SNTB1: variants seen among roughly 807,000 people sequenced by gnomAD.
SNTB1 encodes the protein syntrophin beta 1, also known as beta-1-syntrophin.
Under a neutral mutation model 48.9 loss-of-function variants are expected in SNTB1, and 36 were observed. That is an observed-to-expected ratio of 0.74 (90% CI 0.56 to 0.97). SNTB1 has a LOEUF of 0.97. Among genes scored for constraint, SNTB1 ranks in the 50% least tolerant of loss-of-function variants. The probability of loss-of-function intolerance (pLI) is 0.00; values close to 1 mark genes in which losing one functional copy is unlikely to be tolerated. For synonymous variants in SNTB1, 299 were observed against 294.6 expected (o/e 1.01, Z -0.15); for missense variants, 786 against 703.4 (o/e 1.12, Z -1.33).
intron 2 of SNTB1, among the ~76,000 whole-genome samples, chr8:120,639,829 C>T (rs202131460): frequency 6.6e-6 from 1 of 152,082 alleles, no homozygotes; most frequent in East Asian, 1.9e-4. Context: ...TTCAGCTTTG[C>T]TCTCTTGACT....
chr8:120,744,249 A>G (rs1336785421), intron 1 of SNTB1, among the ~76,000 whole-genome samples: 1 of 152,100 alleles, frequency 6.6e-6, no homozygotes, highest in Non-Finnish European at 1.5e-5. Context: ...TGCTTGGAAG[A>G]GTACATCTAC....
chr8:120,741,571 T>C (rs979404614), intron 1 of SNTB1, among the ~76,000 whole-genome samples: 8 of 152,180 alleles, frequency 5.3e-5, no homozygotes, highest in African/African-American at 1.9e-4. Flanking sequence ...GTCACGCCAC[T>C]GCACTCCCAC....
chr8:120,553,053 T>C (rs1437805751), intron 4 of SNTB1, among the ~76,000 whole-genome samples: 2 of 152,180 alleles, frequency 1.3e-5, no homozygotes, highest in Non-Finnish European at 2.9e-5. Flanking sequence ...TAAATACAGA[T>C]GAAGCTTTGC....
chr8:120,551,159 G>C (rs1302218682), intron 4 of SNTB1, among the ~76,000 whole-genome samples: 1 of 151,288 alleles, frequency 6.6e-6, no homozygotes, highest in African/African-American at 2.4e-5. Context: ...GGGAGGCTGA[G>C]GCAGAAAACT....
chr8:120,639,538 A>C (rs200074700), intron 2 of SNTB1, among the ~76,000 whole-genome samples: 2 of 151,958 alleles, frequency 1.3e-5, no homozygotes, highest in Non-Finnish European at 2.9e-5. Flanking sequence ...TTTAATCCAT[A>C]TTGAATTAAT....
intron 2 of SNTB1, among the ~76,000 whole-genome samples, chr8:120,693,364 T>C (rs1407494074): frequency 6.6e-6 from 1 of 152,214 alleles, no homozygotes; most frequent in East Asian, 1.9e-4. Context: ...ATTCCCATCT[T>C]AGAGATGACA....
At chr8:120,647,034 C>T (rs1287380343) in intron 2 of SNTB1, among the ~76,000 whole-genome samples, 39 of 149,340 alleles carry the variant, frequency 2.6e-4, no homozygotes, top group Non-Finnish European at 5.5e-4. Flanking sequence ...TTTTTTATTG[C>T]GTCTATTTGA....
chr8:120,594,125 G>T (rs901909336), intron 3 of SNTB1, among the ~76,000 whole-genome samples: 1 of 151,864 alleles, frequency 6.6e-6, no homozygotes, highest in African/African-American at 2.4e-5. Flanking sequence ...GTGGGGTGGT[G>T]CAATCATGGG....
At chr8:120,539,774 T>C (rs1205119731) in intron 6 of SNTB1, among the ~76,000 whole-genome samples, 1 of 152,200 alleles carries the variant, frequency 6.6e-6, no homozygotes, top group African/African-American at 2.4e-5. Context: ...GAGCATATTA[T>C]AGCTACCAAA....
At chr8:120,558,738 C>G (rs1815607631) in intron 4 of SNTB1, among the ~76,000 whole-genome samples, 1 of 152,078 alleles carries the variant, frequency 6.6e-6, no homozygotes, top group Non-Finnish European at 1.5e-5. Context: ...CAACTGCAAA[C>G]TGGGGATAAT....
chr8:120,577,413 CA>C (rs1437592753), intron 3 of SNTB1, among the ~76,000 whole-genome samples: 5 of 152,120 alleles, frequency 3.3e-5, no homozygotes, highest in African/African-American at 9.6e-5. Context: ...TTCAATAGAT[CA>C]AAATGAATTG....
At chr8:120,795,890 T>C (rs1820112468) in intron 1 of SNTB1, among the ~76,000 whole-genome samples, 1 of 151,990 alleles carries the variant, frequency 6.6e-6, no homozygotes, top group African/African-American at 2.4e-5. Context: ...TGTGCATGAA[T>C]GTTTCCAAAT....
At chr8:120,755,721 C>T (rs778875471) in intron 1 of SNTB1, among the ~76,000 whole-genome samples, 11 of 152,124 alleles carry the variant, frequency 7.2e-5, no homozygotes, top group East Asian at 1.9e-4. Flanking sequence ...CTATTACTTA[C>T]GCTAACTCTA....
chr8:120,634,495 C>G lies in SNTB1; in HGVS notation c.789-1844G>C, dbSNP rs1479042454. 2.0e-5 allele frequency among the ~76,000 whole-genome samples: 3 copies of G among 152,202 alleles called. No homozygotes were observed. In the East Asian group the frequency reaches 5.8e-4, roughly 29 times the overall value. Reference sequence around the variant, plus strand: ...CCGTTGGTGATGCTGGGATTCAAACCCATGTTAAATTGGCTCAAAAGCCTG... The same window carrying G: ...CCGTTGGTGATGCTGGGATTCAAACGCATGTTAAATTGGCTCAAAAGCCTG... On this transcript the variant is annotated intron_variant, in intron 2 of 6. Coordinates refer to ENST00000517992, the MANE Select transcript of SNTB1 (RefSeq NM_021021.4).
At chr8:120,790,774 A>G (rs540933320) in intron 1 of SNTB1, among the ~76,000 whole-genome samples, 2 of 152,196 alleles carry the variant, frequency 1.3e-5, no homozygotes, top group East Asian at 1.9e-4. Flanking sequence ...TCTTGTGCTC[A>G]TGGATTGGAA....
At chr8:120,771,622 C>T (rs1819635650) in intron 1 of SNTB1, among the ~76,000 whole-genome samples, 1 of 151,870 alleles carries the variant, frequency 6.6e-6, no homozygotes, top group African/African-American at 2.4e-5. Flanking sequence ...ATCACTTCAG[C>T]TCGAGGGTGT....
chr8:120,752,169 A>G (rs1450383918), intron 1 of SNTB1, among the ~76,000 whole-genome samples: 1 of 152,130 alleles, frequency 6.6e-6, no homozygotes, highest in Non-Finnish European at 1.5e-5. Flanking sequence ...TCATTAGGCC[A>G]AAAGGGAATG....
intron 5 of SNTB1, among the ~76,000 whole-genome samples, chr8:120,548,216 C>T (rs1047079570): frequency 1.3e-5 from 2 of 152,128 alleles, no homozygotes; most frequent in Non-Finnish European, 2.9e-5. Flanking sequence ...TTCCTGAGGT[C>T]CTCACCAGAA....
intron 1 of SNTB1, among the ~76,000 whole-genome samples, chr8:120,695,220 A>G (rs756139590): frequency 2.4e-4 from 37 of 152,300 alleles, no homozygotes; most frequent in Middle Eastern, 3.4e-3. Flanking sequence ...ACTAGGGGGC[A>G]TTTCCTCCAG....
Sources: gnomAD v4.1 joint callset for allele counts (sites outside exome capture counted in the v4.1 genomes callset) on GRCh38, gnomAD v4.1.1 for gene constraint, MANE v1.5 for transcripts, NCBI Gene and HGNC (gene_info 2026-07-23, HGNC 2026-07-21) for gene names.